The following DNAH3 variants were observed in gnomAD, a reference collection of about 807,000 sequenced individuals.
DNAH3 encodes the protein dynein axonemal heavy chain 3, also known as axonemal beta dynein heavy chain 3.
A neutral mutation model predicts 432.5 loss-of-function variants in DNAH3; 332 were observed. That is an observed-to-expected ratio of 0.77 (90% CI 0.70 to 0.84). DNAH3 has a LOEUF of 0.84. Ranked by LOEUF, DNAH3 falls within the 40% of genes least tolerant of loss-of-function variation. The pLI is 0.00. For synonymous variants in DNAH3, 1,956 were observed against 1,900.2 expected (o/e 1.03, Z -0.76); for missense variants, 4,861 against 5,114.0 (o/e 0.95, Z 1.51).
chr16:21,125,242 G>A (rs374189001), exon 9 of DNAH3: 54 of 1,613,856 alleles, frequency 3.3e-5, no homozygotes, highest in African/African-American at 1.2e-4. Context: ...AAGCTGCAGC[G>A]ACATGAATGA....
intron 56 of DNAH3, among the ~76,000 whole-genome samples, chr16:20,950,008 T>C (rs1044013335): frequency 1.3e-5 from 2 of 152,190 alleles, no homozygotes; most frequent in African/African-American, 4.8e-5. Flanking sequence ...GGTTCACTTC[T>C]ATTTATTATT....
At chr16:21,049,579 T>C in exon 31 of DNAH3, 1 of 1,614,102 alleles carries the variant, frequency 6.2e-7, no homozygotes, top group East Asian at 2.2e-5. Flanking sequence ...CTCGATCCTG[T>C]TGAACTCATC....
Position 20,941,463 on chromosome 16 carries a change from G to A in DNAH3, c.11592C>T (p.Tyr3864=), listed in dbSNP as rs780361089. The change falls in exon 59 of 62, where the codon TAC becomes TAT. Residue 3864 remains tyrosine, a synonymous_variant. Coordinates refer to ENST00000261383, the Ensembl canonical transcript of DNAH3. ...TCATGGATTCTTCATAGACCACGGG[G>A]TACAACTTCATGACCTCTTCCAGGT... 4 of 1,614,008 alleles carry A rather than the reference G, an allele frequency of 2.5e-6. No individual in the cohort carries two copies. The African/African-American group carries it at 4.0e-5, about 16-fold the overall frequency.
At chr16:21,037,967 T>C (rs754067353) in exon 34 of DNAH3, 1 of 1,613,854 alleles carries the variant, frequency 6.2e-7, no homozygotes, top group Non-Finnish European at 8.5e-7. Context: ...GTCGCAACGA[T>C]CTTCTGGGCG....
intron 31 of DNAH3, among the ~76,000 whole-genome samples, chr16:21,046,953 A>G (rs1400659839): frequency 1.3e-5 from 2 of 151,380 alleles, no homozygotes; most frequent in African/African-American, 4.8e-5. Context: ...TTGGCTGGAT[A>G]TGAAATTCTG....
chr16:20,998,465 C>G (rs2086861486), intron 43 of DNAH3, among the ~76,000 whole-genome samples: 1 of 151,996 alleles, frequency 6.6e-6, no homozygotes, highest in South Asian at 2.1e-4. Context: ...GTTGGCCTGG[C>G]TGGTCTCAAA....
chr16:20,971,779 C>T (rs970131497), intron 51 of DNAH3, among the ~76,000 whole-genome samples: 5 of 152,202 alleles, frequency 3.3e-5, no homozygotes, highest in Non-Finnish European at 7.3e-5. Context: ...CTTCCCTCTG[C>T]GACCCACATG....
intron 59 of DNAH3, among the ~76,000 whole-genome samples, chr16:20,937,327 C>T (rs568090654): frequency 1.3e-5 from 2 of 151,700 alleles, no homozygotes; most frequent in South Asian, 4.2e-4. Flanking sequence ...TCCTTTGTAA[C>T]GACTGCAAAA....
chr16:20,972,933 T>C (rs1359144681), intron 51 of DNAH3, among the ~76,000 whole-genome samples: 2 of 151,778 alleles, frequency 1.3e-5, no homozygotes, highest in Non-Finnish European at 2.9e-5. Context: ...TTCACCATAT[T>C]GGCCAGGCTG....
At chr16:21,015,116 A>T (rs2152705616) in intron 41 of DNAH3, among the ~76,000 whole-genome samples, 1 of 152,330 alleles carries the variant, frequency 6.6e-6, no homozygotes, top group Middle Eastern at 3.4e-3. Context: ...AAAGGCCTTT[A>T]CATAAATGTT....
chr16:20,981,116 G>A, intron 49 of DNAH3, among the ~76,000 whole-genome samples: 1 of 152,208 alleles, frequency 6.6e-6, no homozygotes, highest in East Asian at 1.9e-4. Context: ...TATACACTGA[G>A]TTAACTGTAA....
chr16:20,982,831 C>A (rs201982906), exon 49 of DNAH3: 1 of 1,614,036 alleles, frequency 6.2e-7, no homozygotes, highest in Non-Finnish European at 8.5e-7. Flanking sequence ...AGCAATTGAT[C>A]AGCGAAGGGA....
chr16:21,103,810 T>A (rs1025883139), intron 16 of DNAH3: 2 of 152,208 alleles, frequency 1.3e-5, no homozygotes, highest in African/African-American at 4.8e-5. Context: ...AACGTGAACC[T>A]GGAGTGGGTG....
At chr16:20,979,284 C>T (rs1415038059) in intron 50 of DNAH3, 46 bp downstream of exon 50, 2 of 1,590,280 alleles carry the variant, frequency 1.3e-6, no homozygotes, top group African/African-American at 1.3e-5. Context: ...GCACATCCAC[C>T]TCGTCCCGGG....
At chr16:21,087,566 G>T (rs2091418635) in intron 18 of DNAH3, among the ~76,000 whole-genome samples, 1 of 152,062 alleles carries the variant, frequency 6.6e-6, no homozygotes, top group African/African-American at 2.4e-5. Flanking sequence ...GTTATTATTG[G>T]TTTTAGAATC....
intron 58 of DNAH3, among the ~76,000 whole-genome samples, chr16:20,943,861 G>A (rs1391192517): frequency 6.6e-6 from 1 of 152,096 alleles, no homozygotes; most frequent in African/African-American, 2.4e-5. Flanking sequence ...GCATGTGCTT[G>A]TAGTCCCAGC....
intron 56 of DNAH3, among the ~76,000 whole-genome samples, chr16:20,950,120 C>T (rs2084245442): frequency 6.6e-6 from 1 of 152,166 alleles, no homozygotes; most frequent in Non-Finnish European, 1.5e-5. Flanking sequence ...GTAGCTGGGA[C>T]TATGGGTGCA....
chr16:21,039,866 A>C, exon 33 of DNAH3: 1 of 1,613,294 alleles, frequency 6.2e-7, no homozygotes, highest in Non-Finnish European at 8.5e-7. Context: ...TGGAGTCCAG[A>C]AACCCCATGG....
intron 4 of DNAH3, 135 bp from the exon 6 acceptor site, chr16:21,140,845 G>A: frequency 1.4e-6 from 1 of 704,866 alleles, no homozygotes; most frequent in East Asian, 2.7e-5. Context: ...CTAATGGCAT[G>A]TGTGTATACT....
Sources: gnomAD v4.1 joint callset for allele counts (sites outside exome capture counted in the v4.1 genomes callset) on GRCh38, gnomAD v4.1.1 for gene constraint, MANE v1.5 for transcripts, NCBI Gene and HGNC (gene_info 2026-07-23, HGNC 2026-07-21) for gene names.